RUFY3: variants seen among roughly 807,000 people sequenced by gnomAD.
RUFY3 encodes the protein protein RUFY3.
A neutral mutation model predicts 84.0 loss-of-function variants in RUFY3; 34 were observed. The observed-to-expected ratio is 0.40, with a 90% CI of 0.31 to 0.54. The LOEUF (loss-of-function observed/expected upper bound fraction) is 0.54, where lower values mean the gene tolerates loss of function less well. Among genes scored for constraint, RUFY3 ranks in the 20% least tolerant of loss-of-function variants. The probability of loss-of-function intolerance (pLI) is 0.39; values close to 1 mark genes in which losing one functional copy is unlikely to be tolerated. For synonymous variants in RUFY3, 242 were observed against 252.9 expected, an observed-to-expected ratio of 0.96 and a Z score of 0.41; for missense variants, 507 against 736.8, an observed-to-expected ratio of 0.69 and a Z score of 3.61.
intron 1 of RUFY3, among the ~76,000 whole-genome samples, chr4:70,751,989 C>T (rs1723214342): frequency 1.3e-5 from 2 of 152,206 alleles, no homozygotes; most frequent in East Asian, 1.9e-4. Context: ...CCATGTTGGC[C>T]AGGCTGGTCT....
At chr4:70,719,707 A>G (rs1304406108), upstream of RUFY3, among the ~76,000 whole-genome samples, 1 of 152,190 alleles carries the variant, frequency 6.6e-6, no homozygotes, top group Non-Finnish European at 1.5e-5. Context: ...CCCCTTATTA[A>G]TATATAATAT....
At chr4:70,715,361 A>T (rs1388899999) in intron 1 of RUFY3, among the ~76,000 whole-genome samples, 1 of 152,024 alleles carries the variant, frequency 6.6e-6, no homozygotes, top group Non-Finnish European at 1.5e-5. Flanking sequence ...AGGCACGTGG[A>T]TCTCTCGAGG....
At chr4:70,789,038 C>A in intron 11 of RUFY3, 65 bp downstream of exon 11, 1 of 1,568,782 alleles carries the variant, frequency 6.4e-7, no homozygotes, top group Non-Finnish European at 8.7e-7. Flanking sequence ...CTCCTCCCAT[C>A]TGATCCTCCA....
chr4:70,795,901 A>G (rs959311617), intron 14 of RUFY3, among the ~76,000 whole-genome samples: 4 of 152,140 alleles, frequency 2.6e-5, no homozygotes, highest in Admixed American at 6.5e-5. Context: ...TCCCATCATA[A>G]CTCTCACAGA....
intron 1 of RUFY3, among the ~76,000 whole-genome samples, chr4:70,727,557 TGTTGGCCAG>T (rs1718473025): frequency 1.3e-5 from 2 of 151,616 alleles, no homozygotes; most frequent in African/African-American, 4.8e-5. Flanking sequence ...GGTTTCACCA[TGTTGGCCAG>T]GCTGGTCTTG....
chr4:70,724,642 A>G (rs1292647858), intron 1 of RUFY3, among the ~76,000 whole-genome samples: 2 of 152,238 alleles, frequency 1.3e-5, no homozygotes, highest in African/African-American at 4.8e-5. Context: ...AATCAACTAT[A>G]GAGGATTTGG....
At chr4:70,796,635 C>T (rs912500679) in intron 14 of RUFY3, among the ~76,000 whole-genome samples, 8 of 152,224 alleles carry the variant, frequency 5.3e-5, no homozygotes, top group Non-Finnish European at 1.0e-4. Flanking sequence ...ATTGTTTCTA[C>T]TGTTAATTGT....
At chr4:70,749,276 G>A (rs1722719729) in intron 1 of RUFY3, among the ~76,000 whole-genome samples, 1 of 152,088 alleles carries the variant, frequency 6.6e-6, no homozygotes, top group Admixed American at 6.5e-5. Flanking sequence ...GAATTCTCAG[G>A]TAAAGGTAAC....
intron 1 of RUFY3, among the ~76,000 whole-genome samples, chr4:70,755,856 C>G (rs1201468322): frequency 6.6e-6 from 1 of 151,336 alleles, no homozygotes; most frequent in African/African-American, 2.4e-5. Flanking sequence ...GAGGCTGAGG[C>G]AGGAGAATGG....
At chr4:70,762,413 T>G (rs1725188834) in intron 1 of RUFY3, 106 bp from the exon 2 acceptor site, 7 of 1,010,590 alleles carry the variant, frequency 6.9e-6, no homozygotes, top group Non-Finnish European at 1.0e-5. Flanking sequence ...AAACTGGCAT[T>G]TTTTTTCACA....
rs1011386038 is a variant in RUFY3, at chr4:70,769,258, C to T, written c.696+597C>T. Among the ~76,000 whole-genome samples, 7 of 151,982 alleles carry T rather than the reference C, an allele frequency of 4.6e-5. No individual in the cohort carries two copies. In the East Asian group the frequency reaches 5.8e-4, roughly 13 times the overall value. On this transcript the variant is annotated intron_variant, in intron 5 of 17. Transcript: ENST00000381006. ...GGAGGATCACTTAAGCTTGGGAAGT[C>T]GAGGCTATAGTTAGCCATAATTGTG... is the stretch of plus-strand genomic sequence containing the variant.
intron 1 of RUFY3, among the ~76,000 whole-genome samples, chr4:70,725,972 GCTACTGGTGCT>G (rs1718162804): frequency 6.6e-6 from 1 of 152,252 alleles, no homozygotes; most frequent in African/African-American, 2.4e-5. Flanking sequence ...GTAGTGAAAA[GCTACTGGTGCT>G]TTATGTCTGG....
intron 1 of RUFY3, 119 bp from the exon 2 acceptor site, chr4:70,762,400 A>G: frequency 1.2e-6 from 1 of 839,476 alleles, no homozygotes; most frequent in Non-Finnish European, 1.9e-6. Context: ...ATATTCTTAA[A>G]GGAAACTGGC....
intron 14 of RUFY3, among the ~76,000 whole-genome samples, chr4:70,797,048 C>T (rs1198124837): frequency 6.6e-6 from 1 of 151,836 alleles, no homozygotes; most frequent in African/African-American, 2.4e-5. Context: ...TCAGGTGATC[C>T]TCCTGCCTCA....
At chr4:70,770,480 G>A (rs930764980) in intron 5 of RUFY3, among the ~76,000 whole-genome samples, 2 of 152,132 alleles carry the variant, frequency 1.3e-5, no homozygotes, top group African/African-American at 2.4e-5. Context: ...TTTATGTTAT[G>A]GAGACACTTT....
chr4:70,758,739 TAA>T (rs111462846), intron 1 of RUFY3, among the ~76,000 whole-genome samples: 2 of 144,958 alleles, frequency 1.4e-5, no homozygotes, highest in African/African-American at 5.0e-5. Context: ...TTTGAAAATA[TAA>T]AAAAAAAAAA....
In RUFY3 at chr4:70,733,110, G is replaced by C. The variant is rs1339182864; in HGVS notation, c.178+10359G>C. Among the ~76,000 whole-genome samples the C allele has an allele frequency of 3.2e-5, 3 of 92,688 alleles. No homozygotes were observed. In the East Asian group the frequency reaches 1.1e-3, roughly 35 times the overall value. The allele number at this position is 92,688 out of a possible 152,430, so 60.8% of individuals were successfully genotyped here. A position where few individuals can be genotyped will look rare whatever the true frequency, so the allele number is the denominator to read the frequency against. On this transcript the variant is annotated intron_variant, in intron 1 of 17. Coordinates refer to ENST00000381006, the MANE Select transcript of RUFY3 (RefSeq NM_001037442.4). ...GAGAGAGAGAGGAGAGAGAGAGAGA[G>C]AGAGAGAGAGGGAGGGAGGGAGGGA...
At chr4:70,767,788 C>G (rs1250482411) in intron 4 of RUFY3, among the ~76,000 whole-genome samples, 2 of 152,056 alleles carry the variant, frequency 1.3e-5, no homozygotes. Flanking sequence ...AAGCGATTCT[C>G]CTGCCTCAGC....
chr4:70,803,748 A>G (rs373968615), intron 16 of RUFY3, among the ~76,000 whole-genome samples: 2 of 146,518 alleles, frequency 1.4e-5, no homozygotes, highest in East Asian at 2.0e-4. Context: ...TTTGAGACAG[A>G]GTCTCACTCT....
Sources: allele counts gnomAD v4.1 joint callset (sites outside exome capture counted in the v4.1 genomes callset), GRCh38; gene constraint gnomAD v4.1.1; transcripts MANE v1.5; gene names NCBI Gene and HGNC (gene_info 2026-07-23, HGNC 2026-07-21).